PACSIN1: variants seen among roughly 807,000 people sequenced by gnomAD.
The protein encoded by PACSIN1 is protein kinase C and casein kinase substrate in neurons protein 1.
In PACSIN1, 15 loss-of-function variants were observed where a neutral mutation model predicts 59.5. The ratio of observed to expected loss-of-function variants is 0.25; its 90% CI spans 0.17 to 0.39. PACSIN1 has a LOEUF of 0.39. Among genes scored for constraint, PACSIN1 ranks in the 10% least tolerant of loss-of-function variants. PACSIN1 has a pLI of 1.00. For synonymous variants in PACSIN1, 210 were observed against 220.6 expected, an observed-to-expected ratio of 0.95 and a Z score of 0.42; for missense variants, 420 against 580.2, an observed-to-expected ratio of 0.72 and a Z score of 2.84.
At position 34,518,643 on chromosome 6, in the gene PACSIN1, G is replaced by A. The variant is rs893120749; in HGVS notation, c.-63-7600G>A. ...CAATTCAGCTCACTCCCGCTGGAGA[G>A]CTCTGGGAGGGGTTTTGAACACACC... On this transcript the variant is annotated intron_variant, in intron 1 of 9. Coordinates refer to ENST00000244458, the MANE Select transcript of PACSIN1 (RefSeq NM_020804.5). The surrounding 1 kb of genome is among the most constrained non-coding windows in gnomAD (Gnocchi z 4.4). Among the ~76,000 whole-genome samples, 6 of 152,244 alleles carry A rather than the reference G, an allele frequency of 3.9e-5. No homozygotes were observed. The highest frequency in any genetic ancestry group is 8.8e-5 in the Non-Finnish European group (6 of 68,042).
intron 1 of PACSIN1, among the ~76,000 whole-genome samples, chr6:34,508,963 G>A (rs1220460869): frequency 2.6e-5 from 4 of 152,050 alleles, no homozygotes; most frequent in Non-Finnish European, 5.9e-5. Context: ...CATTCAGCAG[G>A]TTACGTTTTC....
chr6:34,486,686 G>T (rs1766798856), intron 1 of PACSIN1, among the ~76,000 whole-genome samples: 1 of 150,036 alleles, frequency 6.7e-6, no homozygotes, highest in Admixed American at 6.8e-5. Context: ...TGTCACCCCT[G>T]CAGGGCTGCC....
chr6:34,495,547 G>C (rs1179001847), intron 1 of PACSIN1, among the ~76,000 whole-genome samples: 1 of 151,908 alleles, frequency 6.6e-6, no homozygotes, highest in Non-Finnish European at 1.5e-5. Flanking sequence ...CCACCTCCCG[G>C]GTTCAAGTAA....
intron 1 of PACSIN1, among the ~76,000 whole-genome samples, chr6:34,497,760 A>G (rs1038945121): frequency 2.0e-5 from 3 of 152,162 alleles, no homozygotes; most frequent in Non-Finnish European, 4.4e-5. Context: ...AGCAATGGGC[A>G]TGGCATGGTG....
chr6:34,493,970 C>T (rs1032412205), intron 1 of PACSIN1, among the ~76,000 whole-genome samples: 1 of 152,176 alleles, frequency 6.6e-6, no homozygotes, highest in Non-Finnish European at 1.5e-5. Flanking sequence ...CTCATCTTAG[C>T]TCCTTTGGTT....
chr6:34,524,863 G>A (rs1310484229), intron 1 of PACSIN1, among the ~76,000 whole-genome samples: 1 of 152,208 alleles, frequency 6.6e-6, no homozygotes, highest in East Asian at 1.9e-4. Context: ...TTGTTCCCAT[G>A]AGGGAATGCC....
At chr6:34,467,543 T>C (rs1384595328) in intron 1 of PACSIN1, among the ~76,000 whole-genome samples, 1 of 146,840 alleles carries the variant, frequency 6.8e-6, no homozygotes, top group Non-Finnish European at 1.5e-5. Context: ...TTCTCTTTAG[T>C]AGGCCCTTCC....
At chr6:34,481,164 A>T (rs1766713520) in intron 1 of PACSIN1, among the ~76,000 whole-genome samples, 1 of 151,278 alleles carries the variant, frequency 6.6e-6, no homozygotes, top group Non-Finnish European at 1.5e-5. Context: ...CTTCTGCCTC[A>T]GCCCCCCGAG....
chr6:34,521,842 A>G lies in PACSIN1; in HGVS notation c.-63-4401A>G, dbSNP rs1349681487. Reference sequence around the variant, plus strand: ...GCAACAGCCCATTTTACAGATGCGGACGCCGAGGCCTGGGAAGAGGGAGAG... The same window carrying G: ...GCAACAGCCCATTTTACAGATGCGGGCGCCGAGGCCTGGGAAGAGGGAGAG... On this transcript the variant is annotated intron_variant, in intron 1 of 9. Transcript: ENST00000244458. The surrounding 1 kb of genome is among the most constrained non-coding windows in gnomAD (Gnocchi z 4.3). Among the ~76,000 whole-genome samples the G allele has an allele frequency of 6.6e-6, 1 of 152,116 alleles. No homozygotes were observed. The highest frequency in any genetic ancestry group is 1.5e-5 in the Non-Finnish European group (1 of 68,020).
chr6:34,497,438 G>A (rs75776386), intron 1 of PACSIN1, among the ~76,000 whole-genome samples: 12,067 of 152,192 alleles, frequency 0.079, 518 homozygotes, highest in Non-Finnish European at 0.091. Flanking sequence ...AGGAGGCACC[G>A]TGGAAAGCTT....
chr6:34,504,274 A>ATGTGTG (rs1424391285), intron 1 of PACSIN1, among the ~76,000 whole-genome samples: 1 of 111,346 alleles, frequency 9.0e-6, no homozygotes, highest in African/African-American at 3.8e-5. Flanking sequence ...GTGTGTGTAT[A>ATGTGTG]TATATATATA....
chr6:34,526,292 C>T lies in PACSIN1; in HGVS notation c.-14C>T. 6.2e-7 allele frequency: 1 copy of T among 1,610,832 alleles called. No homozygotes were observed. The highest frequency in any genetic ancestry group is 8.5e-7 in the Non-Finnish European group (1 of 1,179,162). ...CCGCAGCTCCGCACTTGTCCATCCC[C>T]CTGCGGCTACACCATGTCCAGCTCC... On this transcript the variant is annotated 5_prime_UTR_variant, in exon 2 of 10. Transcript: ENST00000244458.
At chr6:34,474,790 GA>G (rs60232588) in intron 1 of PACSIN1, among the ~76,000 whole-genome samples, 26,154 of 77,538 alleles carry the variant, frequency 0.34, 3,385 homozygotes, top group Middle Eastern at 0.45. Flanking sequence ...CTCTGTCTCA[GA>G]AAAAAAAAAA....
chr6:34,500,169 C>G (rs574712562), intron 1 of PACSIN1, among the ~76,000 whole-genome samples: 1 of 152,244 alleles, frequency 6.6e-6, no homozygotes, highest in African/African-American at 2.4e-5. Context: ...CATCTCTGAT[C>G]ATTAGGGAAA....
Position 34,525,125 on chromosome 6 carries a change from T to C in PACSIN1, c.-63-1118T>C, listed in dbSNP as rs1003424462. 2.6e-5 allele frequency among the ~76,000 whole-genome samples: 4 copies of C among 152,260 alleles called. No individual in the cohort carries two copies. Among genetic ancestry groups the C allele is most frequent in the African/African-American group, 9.6e-5 (4 of 41,464 alleles). On this transcript the variant is annotated intron_variant, in intron 1 of 9. Transcript: ENST00000244458. The surrounding 1 kb of genome is among the most constrained non-coding windows in gnomAD (Gnocchi z 4.9). The stretch of plus-strand genomic sequence containing the variant: ...AAGAAAAGAAAAATTCAGACTCATT[T>C]CTTTGTCCCTTGATGAAATCCAGCC...
intron 1 of PACSIN1, among the ~76,000 whole-genome samples, chr6:34,489,751 C>T (rs3889226): frequency 0.24 from 36,514 of 152,172 alleles, 5,921 homozygotes; most frequent in East Asian, 0.51. Flanking sequence ...CAGGGGGCCA[C>T]GATGCCTCTT....
rs1428336637 is a variant in PACSIN1, at chr6:34,529,582, G to A, written c.612+30G>A. On this transcript the variant is annotated intron_variant, in intron 5 of 9. Transcript: ENST00000244458. This position sits in a 1 kb window ranked among gnomAD's most constrained non-coding sequence, Gnocchi z 6.3. ...TGGCGGGCAGGGATGGCAGTAGGGG[G>A]TCTGGGGGCCCCTTGCAGAGGGTGG... The A allele has an allele frequency of 1.3e-5, 21 of 1,613,326 alleles. No individual in the cohort carries two copies. Among genetic ancestry groups the A allele is most frequent in the Non-Finnish European group, 1.8e-5 (21 of 1,179,476 alleles).
intron 1 of PACSIN1, among the ~76,000 whole-genome samples, chr6:34,512,120 C>T (rs1767212378): frequency 6.6e-6 from 1 of 151,778 alleles, no homozygotes; most frequent in African/African-American, 2.4e-5. Flanking sequence ...TGTCCCTGTG[C>T]CAGCGTGGGA....
chr6:34,518,559 G>A lies in PACSIN1; in HGVS notation c.-63-7684G>A, dbSNP rs531937811. On this transcript the variant is annotated intron_variant, in intron 1 of 9. Transcript: ENST00000244458. This position sits in a 1 kb window ranked among gnomAD's most constrained non-coding sequence, Gnocchi z 4.4. Reference sequence around the variant, plus strand: ...GGTGGCCCACAGAAACACTGAGGGTGGGAAAATGACACAGGGAGACAAAAA... The same window carrying A: ...GGTGGCCCACAGAAACACTGAGGGTAGGAAAATGACACAGGGAGACAAAAA... Among the ~76,000 whole-genome samples, 1 of 152,266 alleles carries A rather than the reference G, an allele frequency of 6.6e-6. No homozygotes were observed. Among genetic ancestry groups the A allele is most frequent in the Admixed American group, 6.5e-5 (1 of 15,300 alleles).
Sources: gnomAD v4.1 joint callset for allele counts (sites outside exome capture counted in the v4.1 genomes callset) on GRCh38, gnomAD v4.1.1 for gene constraint, Gnocchi (gnomAD v3.1) non-coding constraint, MANE v1.5 for transcripts, NCBI Gene and HGNC (gene_info 2026-07-23, HGNC 2026-07-21) for gene names.